The following ARHGAP25 variants were observed in gnomAD, a reference collection of about 807,000 sequenced individuals.
The protein encoded by ARHGAP25 is rho GTPase-activating protein 25.
In ARHGAP25, 34 loss-of-function variants were observed where a neutral mutation model predicts 71.0. The observed-to-expected ratio is 0.48, with a 90% CI of 0.36 to 0.64. ARHGAP25 has a LOEUF of 0.64. ARHGAP25 is among the 30% of genes least tolerant of loss of function. ARHGAP25 has a pLI of 0.00. For missense variants in ARHGAP25, 706 were observed against 805.1 expected (o/e 0.88, Z 1.49); for synonymous variants, 282 against 296.5 (o/e 0.95, Z 0.50).
At chr2:68,789,330 G>A (rs925369130) in intron 4 of ARHGAP25, among the ~76,000 whole-genome samples, 1 of 152,156 alleles carries the variant, frequency 6.6e-6, no homozygotes, top group Non-Finnish European at 1.5e-5. Flanking sequence ...GAGCCACCGT[G>A]CCCGGCCTGG....
intron 5 of ARHGAP25, among the ~76,000 whole-genome samples, chr2:68,808,755 C>G (rs369070966): frequency 1.1e-4 from 16 of 152,172 alleles, no homozygotes; most frequent in African/African-American, 3.9e-4. Context: ...AAGAAAGATA[C>G]AGGTGGGTTG....
At chr2:68,800,504 G>A (rs745984892) in intron 4 of ARHGAP25, among the ~76,000 whole-genome samples, 2 of 152,092 alleles carry the variant, frequency 1.3e-5, no homozygotes, top group Non-Finnish European at 2.9e-5. Context: ...AAAATTTTAG[G>A]TCTGAGGACT....
intron 1 of ARHGAP25, among the ~76,000 whole-genome samples, chr2:68,758,506 A>G (rs1438872908): frequency 6.6e-6 from 1 of 151,970 alleles, no homozygotes; most frequent in East Asian, 1.9e-4. Flanking sequence ...ATGCTACAAG[A>G]AACAAAGAAA....
At chr2:68,800,123 G>A (rs946530350) in intron 4 of ARHGAP25, among the ~76,000 whole-genome samples, 1 of 152,124 alleles carries the variant, frequency 6.6e-6, no homozygotes, top group Non-Finnish European at 1.5e-5. Flanking sequence ...TCCTGTCAGG[G>A]GTGGGGAGCG....
chr2:68,740,520 C>G (rs868657538), intron 1 of ARHGAP25, among the ~76,000 whole-genome samples: 3 of 152,204 alleles, frequency 2.0e-5, no homozygotes, highest in Non-Finnish European at 2.9e-5. Flanking sequence ...CTGGAGCCCT[C>G]TCTCCATCTG....
At chr2:68,774,724 G>A (rs1385710943) in intron 1 of ARHGAP25, 2 of 1,007,004 alleles carry the variant, frequency 2.0e-6, no homozygotes, top group Non-Finnish European at 2.4e-6. Context: ...CTGTCTTGCG[G>A]CCCCTCCTCT....
chr2:68,773,391 A>G (rs1324092170), intron 1 of ARHGAP25, among the ~76,000 whole-genome samples: 1 of 152,244 alleles, frequency 6.6e-6, no homozygotes, highest in Non-Finnish European at 1.5e-5. Flanking sequence ...TATCCTAACT[A>G]ACTCAGAAAC....
At chr2:68,745,521 C>T (rs2104300755) in intron 1 of ARHGAP25, among the ~76,000 whole-genome samples, 1 of 152,272 alleles carries the variant, frequency 6.6e-6, no homozygotes, top group Middle Eastern at 3.4e-3. Context: ...CATTTTTCCT[C>T]ATCATAACCC....
intron 2 of ARHGAP25, among the ~76,000 whole-genome samples, chr2:68,776,404 A>G (rs1433206963): frequency 6.6e-6 from 1 of 152,236 alleles, no homozygotes; most frequent in East Asian, 1.9e-4. Context: ...TACTGTGCTC[A>G]AAAATAGAGC....
intron 1 of ARHGAP25, among the ~76,000 whole-genome samples, chr2:68,747,943 C>G (rs1021350778): frequency 1.1e-4 from 17 of 152,356 alleles, no homozygotes; most frequent in Middle Eastern, 3.4e-3. Flanking sequence ...GACTTGGCTT[C>G]CTGCCTCCAC....
chr2:68,732,643 C>T (rs1675051668), upstream of ARHGAP25, among the ~76,000 whole-genome samples: 1 of 152,092 alleles, frequency 6.6e-6, no homozygotes, highest in African/African-American at 2.4e-5. Flanking sequence ...GCAAACACTC[C>T]GGCCCTTCTT....
At chr2:68,727,005 G>A (rs917351344) in intron 2 of ARHGAP25, among the ~76,000 whole-genome samples, 7 of 151,628 alleles carry the variant, frequency 4.6e-5, no homozygotes, top group African/African-American at 1.7e-4. Flanking sequence ...CTTTTAAAAA[G>A]ATATAGACTA....
At chr2:68,732,003 C>T (rs1212360574), upstream of ARHGAP25, among the ~76,000 whole-genome samples, 1 of 152,200 alleles carries the variant, frequency 6.6e-6, no homozygotes, top group Non-Finnish European at 1.5e-5. Context: ...AAAATTTGGT[C>T]CTTAATAAAT....
intron 2 of ARHGAP25, among the ~76,000 whole-genome samples, chr2:68,718,778 C>A (rs540199958): frequency 3.3e-5 from 5 of 152,232 alleles, no homozygotes; most frequent in African/African-American, 1.2e-4. Context: ...TTGGTATTTT[C>A]TGGGTGATAA....
intron 2 of ARHGAP25, among the ~76,000 whole-genome samples, chr2:68,724,272 T>C (rs7567864): frequency 0.26 from 40,265 of 152,068 alleles, 5,793 homozygotes; most frequent in East Asian, 0.48. Context: ...GGACTGGCCC[T>C]GAACTCTCCA....
intron 4 of ARHGAP25, among the ~76,000 whole-genome samples, chr2:68,794,475 T>C (rs1388223189): frequency 6.6e-6 from 1 of 152,192 alleles, no homozygotes; most frequent in Non-Finnish European, 1.5e-5. Context: ...ATTTTTATTA[T>C]GAACAGATGC....
chr2:68,817,982 G>T lies in ARHGAP25; in HGVS notation c.991G>T (p.Val331Leu), dbSNP rs745617834. 6.2e-7 allele frequency: 1 copy of T among 1,614,084 alleles called. No individual in the cohort carries two copies. Among genetic ancestry groups the T allele is most frequent in the Non-Finnish European group, 8.5e-7 (1 of 1,179,968 alleles). ...LIRSKVEDPAVIMRGTPQIQR... is the reference protein window; with the variant it reads ...LIRSKVEDPALIMRGTPQIQR... The stretch of plus-strand genomic sequence containing the variant: ...CAGGTCGAAGGTCGAAGACCCTGCC[G>T]TGATCATGAGAGGTATGGCTGGTCC... The change falls in exon 8 of 11, where the codon GTG (valine) becomes TTG (leucine). Residue 331 changes from valine (V) to leucine (L), a missense_variant. Transcript: ENST00000409202.
chr2:68,826,061 A>C lies in ARHGAP25; in HGVS notation c.1808A>C (p.Lys603Thr), dbSNP rs771800108. 1 of 1,614,110 alleles carries C rather than the reference A, an allele frequency of 6.2e-7. No homozygotes were observed. Among genetic ancestry groups the C allele is most frequent in the Non-Finnish European group, 8.5e-7 (1 of 1,180,006 alleles). ...GAAGAACTGGAGAAGGAAAAGAAGA[A>C]GTCTGCAGCCCTAGAGATCAGCCTC... is the stretch of plus-strand genomic sequence containing the variant. ...LNEELEKEKKKSAALEISLRN... is the reference protein window; with the variant it reads ...LNEELEKEKKTSAALEISLRN... Residue 603 changes from lysine (K) to threonine (T), a missense_variant, in exon 11 of 11, where the codon AAG becomes ACG. Transcript: ENST00000409202.
chr2:68,794,519 G>A (rs1396702832), intron 4 of ARHGAP25, among the ~76,000 whole-genome samples: 3 of 152,148 alleles, frequency 2.0e-5, no homozygotes, highest in African/African-American at 7.2e-5. Context: ...TGTGTCTGTT[G>A]AGATGATCAT....
Sources: allele counts gnomAD v4.1 joint callset (sites outside exome capture counted in the v4.1 genomes callset), GRCh38; gene constraint gnomAD v4.1.1; transcripts MANE v1.5; gene names NCBI Gene and HGNC (gene_info 2026-07-23, HGNC 2026-07-21).